Variants in TSHR observed in about 807,000 individuals in gnomAD.
TSHR encodes thyroid stimulating hormone receptor.
A neutral mutation model predicts 64.1 loss-of-function variants in TSHR; 51 were observed. That is an observed-to-expected ratio of 0.80 (90% CI 0.64 to 1.01). The LOEUF (loss-of-function observed/expected upper bound fraction) is 1.01. Ranked by LOEUF, TSHR falls within the 50% of genes least tolerant of loss-of-function variation. The probability of loss-of-function intolerance (pLI) is 0.00; values close to 1 mark genes in which losing one functional copy is unlikely to be tolerated. For synonymous variants in TSHR, 361 were observed against 361.9 expected (o/e 1.00, Z 0.03); for missense variants, 877 against 942.8 (o/e 0.93, Z 0.91).
intron 3 of TSHR, among the ~76,000 whole-genome samples, chr14:81,072,515 G>T (rs1271205550): frequency 6.6e-6 from 1 of 151,918 alleles, no homozygotes; most frequent in Non-Finnish European, 1.5e-5. Flanking sequence ...AGTGGGGAAT[G>T]GAATGAAATT....
chr14:80,965,128 G>A (rs1330164797), intron 1 of TSHR, among the ~76,000 whole-genome samples: 6 of 152,208 alleles, frequency 3.9e-5, no homozygotes, highest in Admixed American at 2.6e-4. Flanking sequence ...AGGAGGTAAC[G>A]ATTGGTCGGC....
At chr14:81,052,716 A>T (rs937666459) in intron 1 of TSHR, 9 of 152,058 alleles carry the variant, frequency 5.9e-5, no homozygotes, top group African/African-American at 2.2e-4. Context: ...AATTTCTTTT[A>T]TCAATGTTTT....
At chr14:81,033,668 C>A (rs1301298392) in intron 1 of TSHR, among the ~76,000 whole-genome samples, 3 of 147,338 alleles carry the variant, frequency 2.0e-5, no homozygotes, top group Non-Finnish European at 4.5e-5. Context: ...AAACCAAGAG[C>A]TTAGCAGCAC....
chr14:81,064,846 C>A (rs116909942), intron 2 of TSHR, among the ~76,000 whole-genome samples: 383 of 151,966 alleles, frequency 2.5e-3, no homozygotes, highest in Non-Finnish European at 4.4e-3. Context: ...GAAGAAAGAA[C>A]AATTTTAAGA....
At chr14:81,125,669 T>G (rs1400193959) in intron 8 of TSHR, among the ~76,000 whole-genome samples, 1 of 152,094 alleles carries the variant, frequency 6.6e-6, no homozygotes, top group Non-Finnish European at 1.5e-5. Flanking sequence ...TGCAGCTCCC[T>G]TGGAGAAGGG....
Position 81,143,773 on chromosome 14 carries a change from T to A in TSHR, c.1715T>A (p.Met572Lys), listed in dbSNP as rs2140112304. Residue 572 changes from methionine to lysine, a missense_variant, in exon 10 of 10, where the codon ATG (methionine) becomes AAG (lysine). By Grantham distance (95) the Met-to-Lys change is moderately conservative (BLOSUM62 -1). Coordinates refer to ENST00000298171, the MANE Select transcript of TSHR (RefSeq NM_000369.5). ...GCCAAAGTCAGTATCTGCCTGCCCA[T>A]GGACACCGAGACCCCTCTTGCTCTG... Reference protein sequence around the residue: ...SYAKVSICLPMDTETPLALAY... With the variant: ...SYAKVSICLPKDTETPLALAY... The A allele has an allele frequency of 6.2e-7, 1 of 1,614,034 alleles. No homozygotes were observed.
intron 8 of TSHR, among the ~76,000 whole-genome samples, chr14:81,129,401 CCT>C (rs1192151649): frequency 1.3e-5 from 2 of 152,190 alleles, no homozygotes; most frequent in African/African-American, 4.8e-5. Context: ...AACTACCTTG[CCT>C]CTCTGTCTCA....
At chr14:81,037,591 A>C (rs114939494) in intron 1 of TSHR, among the ~76,000 whole-genome samples, 8,530 of 152,198 alleles carry the variant, frequency 0.056, 379 homozygotes, top group African/African-American at 0.12. Flanking sequence ...TATGCTACCT[A>C]CAAGAGATTT....
intron 1 of TSHR, among the ~76,000 whole-genome samples, chr14:80,959,741 G>A (rs1886916680): frequency 6.6e-6 from 1 of 152,168 alleles, no homozygotes; most frequent in South Asian, 2.1e-4. Flanking sequence ...TTCAGGTTCT[G>A]TTTTTACTCA....
At chr14:81,084,159 C>CA (rs1462166458) in intron 3 of TSHR, among the ~76,000 whole-genome samples, 5 of 152,128 alleles carry the variant, frequency 3.3e-5, no homozygotes, top group African/African-American at 1.2e-4. Context: ...TATCATCTTC[C>CA]AAAGCTGAAT....
In TSHR at chr14:81,145,719, C is replaced by T. The variant is rs1891902851; in HGVS notation, c.*1366C>T. On this transcript the variant is annotated 3_prime_UTR_variant, in exon 10 of 10. Transcript: ENST00000298171. ...CTGAAACTGCCAGCTCTTTCCAGCC[C>T]TGTTGATCACTGGACATAAAGCTTC... The T allele has an allele frequency of 4.3e-6, 1 of 233,008 alleles. No individual in the cohort carries two copies. Among genetic ancestry groups the T allele is most frequent in the African/African-American group, 2.2e-5 (1 of 45,314 alleles). The allele number at this position is 233,008 out of a possible 1,614,324, so 14.4% of individuals were successfully genotyped here.
Position 80,960,542 on chromosome 14 carries a change from A to G in TSHR, c.170+4692A>G, listed in dbSNP as rs1174539868. ...CCTGAAAGTTAAAGGGATTTGATTTATTCACTTGGAATGAACATAATAATG... is the reference window on the plus strand; with the variant it reads ...CCTGAAAGTTAAAGGGATTTGATTTGTTCACTTGGAATGAACATAATAATG... On this transcript the variant is annotated intron_variant, in intron 1 of 9. Transcript: ENST00000298171. Among the ~76,000 whole-genome samples the G allele has an allele frequency of 4.6e-5, 7 of 152,350 alleles. No homozygotes were observed. In the East Asian group the frequency reaches 1.3e-3, roughly 29 times the overall value.
At chr14:81,008,710 ACTT>A (rs1007822246) in intron 1 of TSHR, among the ~76,000 whole-genome samples, 4 of 152,118 alleles carry the variant, frequency 2.6e-5, no homozygotes, top group Non-Finnish European at 4.4e-5. Flanking sequence ...TTTTTATCCA[ACTT>A]CTTATTTCCT....
chr14:81,112,261 C>T (rs1448426427), intron 8 of TSHR, among the ~76,000 whole-genome samples: 3 of 152,146 alleles, frequency 2.0e-5, no homozygotes, highest in African/African-American at 7.2e-5. Context: ...AATATATCCT[C>T]AATAATGTTA....
intron 1 of TSHR, among the ~76,000 whole-genome samples, chr14:80,986,742 G>A (rs560926767): frequency 1.5e-4 from 23 of 152,128 alleles, no homozygotes; most frequent in East Asian, 1.9e-4. Flanking sequence ...CCGCCTTGGC[G>A]TCCCAAAGTG....
intron 3 of TSHR, among the ~76,000 whole-genome samples, chr14:81,074,023 T>C (rs1476334017): frequency 6.6e-6 from 1 of 152,202 alleles, no homozygotes; most frequent in African/African-American, 2.4e-5. Context: ...GTTTGTATTA[T>C]GATCTTTTTC....
At chr14:81,116,632 A>G (rs1282040363) in intron 8 of TSHR, among the ~76,000 whole-genome samples, 4 of 146,038 alleles carry the variant, frequency 2.7e-5, no homozygotes, top group African/African-American at 1.1e-4. Context: ...CGAGACAGAA[A>G]GTTAACAAGG....
chr14:80,997,173 A>G (rs768808756), intron 1 of TSHR, among the ~76,000 whole-genome samples: 1 of 152,216 alleles, frequency 6.6e-6, no homozygotes, highest in African/African-American at 2.4e-5. Context: ...ACGTCAAGCA[A>G]CTAGAAAGGA....
At chr14:81,109,791 G>C (rs915055259) in intron 8 of TSHR, among the ~76,000 whole-genome samples, 1 of 93,942 alleles carries the variant, frequency 1.1e-5, no homozygotes, top group Non-Finnish European at 2.4e-5. Flanking sequence ...AAAATCTGCT[G>C]TGCCACGTGG....
Sources: allele counts gnomAD v4.1 joint callset (sites outside exome capture counted in the v4.1 genomes callset), GRCh38; gene constraint gnomAD v4.1.1; transcripts MANE v1.5; gene names NCBI Gene and HGNC (gene_info 2026-07-23, HGNC 2026-07-21).